AUTS2: variants seen among roughly 807,000 people sequenced by gnomAD.
AUTS2 encodes the protein autism susceptibility gene 2 protein.
A neutral mutation model predicts 112.4 loss-of-function variants in AUTS2; 17 were observed. The ratio of observed to expected loss-of-function variants is 0.15; its 90% CI spans 0.10 to 0.23. AUTS2 has a LOEUF of 0.23. AUTS2 is among the 10% of genes least tolerant of loss of function. The pLI, the probability that AUTS2 is intolerant of heterozygous loss-of-function variation, is 1.00. For synonymous variants in AUTS2, 751 were observed against 702.7 expected, an observed-to-expected ratio of 1.07 and a Z score of -1.09; for missense variants, 1,510 against 1,701.6, an observed-to-expected ratio of 0.89 and a Z score of 1.98.
Position 70,789,849 on chromosome 7 carries a change from C to G in AUTS2, c.2633C>G (p.Ala878Gly), listed in dbSNP as rs1202921547. The change falls in exon 19 of 19, where the codon GCT becomes GGT. Residue 878 changes from alanine to glycine, a missense_variant. Ala to Gly is a moderately conservative substitution (Grantham distance 60, BLOSUM62 0). Coordinates refer to ENST00000342771, the MANE Select transcript of AUTS2 (RefSeq NM_015570.4). Reference sequence around the variant, plus strand: ...CGCAGCTCCACTGAACAGATCCGGGCTCATCTGAACACTGAGGCTCGGGAG... The same window carrying G: ...CGCAGCTCCACTGAACAGATCCGGGGTCATCTGAACACTGAGGCTCGGGAG... ...HTRSSTEQIR[A>G]HLNTEAREKD... 1 of 1,614,186 alleles carries G rather than the reference C, an allele frequency of 6.2e-7. No individual in the cohort carries two copies. The highest frequency in any genetic ancestry group is 8.5e-7 in the Non-Finnish European group (1 of 1,180,030).
At chr7:69,864,426 G>A (rs1050949616) in intron 1 of AUTS2, among the ~76,000 whole-genome samples, 33 of 152,230 alleles carry the variant, frequency 2.2e-4, no homozygotes, top group African/African-American at 6.7e-4. Context: ...TCATCTGAAA[G>A]CAATTTTGTT....
intron 2 of AUTS2, among the ~76,000 whole-genome samples, chr7:69,978,531 A>C (rs1283141759): frequency 6.6e-6 from 1 of 152,180 alleles, no homozygotes; most frequent in East Asian, 1.9e-4. Flanking sequence ...CTGAAAAACC[A>C]TTCTTAGATC....
intron 3 of AUTS2, among the ~76,000 whole-genome samples, chr7:70,127,505 A>G (rs1316433454): frequency 1.3e-5 from 2 of 152,014 alleles, no homozygotes; most frequent in Non-Finnish European, 2.9e-5. Flanking sequence ...CCTCACTTCT[A>G]CCAAACACTT....
Position 70,790,531 on chromosome 7 carries a change from G to T in AUTS2, c.3315G>T (p.Ser1105=). ...GGAACGACCCGCTCCACCGGCTCTC[G>T]ACTCCCCGGCTGTACGAAGCCGACC... ...LLRNDPLHRL[S]TPRLYEADRS... The change falls in exon 19 of 19, where the codon TCG becomes TCT. Residue 1105 remains serine (S), a synonymous_variant. Coordinates refer to ENST00000342771, the MANE Select transcript of AUTS2 (RefSeq NM_015570.4). This position sits in a 1 kb window ranked among gnomAD's most constrained non-coding sequence, Gnocchi z 7.6. The T allele has an allele frequency of 6.2e-7, 1 of 1,607,966 alleles. No individual in the cohort carries two copies. Among genetic ancestry groups the T allele is most frequent in the East Asian group, 2.2e-5 (1 of 44,638 alleles).
At chr7:69,948,259 C>T (rs1031379731) in intron 2 of AUTS2, among the ~76,000 whole-genome samples, 2 of 152,174 alleles carry the variant, frequency 1.3e-5, no homozygotes, top group African/African-American at 2.4e-5. Context: ...CAAATAACTT[C>T]ACACAGTGAA....
At chr7:70,470,461 G>T (rs62455224) in intron 5 of AUTS2, among the ~76,000 whole-genome samples, 3,886 of 152,298 alleles carry the variant, frequency 0.026, 109 homozygotes, top group Admixed American at 0.089. Flanking sequence ...ATAGAGAGAG[G>T]AGATTAAATT....
chr7:70,636,877 A>G (rs1446057535), intron 5 of AUTS2, among the ~76,000 whole-genome samples: 1 of 152,080 alleles, frequency 6.6e-6, no homozygotes, highest in African/African-American at 2.4e-5. Flanking sequence ...TCGTGGCCTC[A>G]AGTGATCCTC....
chr7:70,383,012 T>G lies in AUTS2; in HGVS notation c.661-52740T>G, dbSNP rs190242306. Among the ~76,000 whole-genome samples the G allele has an allele frequency of 7.1e-3, 1,088 of 152,346 alleles. 7 individuals carry two copies. Among genetic ancestry groups the G allele is most frequent in the Non-Finnish European group, 0.012 (830 of 68,030 alleles). ...TGAAGTCTATATATTTTTCCAGAAC[T>G]GAGATCAAATTCTACCTTTTTTCAT... is the stretch of plus-strand genomic sequence containing the variant. On this transcript the variant is annotated intron_variant, in intron 4 of 18. Transcript: ENST00000342771.
At chr7:70,317,953 C>G (rs1469557999) in intron 4 of AUTS2, among the ~76,000 whole-genome samples, 1 of 152,126 alleles carries the variant, frequency 6.6e-6, no homozygotes, top group African/African-American at 2.4e-5. Context: ...AAAGGGGAAT[C>G]TGAGACTTCT....
At chr7:70,104,608 T>C (rs1299929395) in intron 2 of AUTS2, among the ~76,000 whole-genome samples, 1 of 152,356 alleles carries the variant, frequency 6.6e-6, no homozygotes, top group Non-Finnish European at 1.5e-5. Flanking sequence ...GCCTCTAGAA[T>C]ATTAAAACCA....
At chr7:70,206,852 T>C (rs1189166965) in intron 4 of AUTS2, among the ~76,000 whole-genome samples, 1 of 152,246 alleles carries the variant, frequency 6.6e-6, no homozygotes, top group African/African-American at 2.4e-5. Context: ...GTTAATCTTC[T>C]CCTCCTCAGA....
chr7:69,715,807 A>G lies in AUTS2; in HGVS notation c.309+115845A>G, dbSNP rs986537491. Among the ~76,000 whole-genome samples, 11 of 152,302 alleles carry G rather than the reference A, an allele frequency of 7.2e-5. No individual in the cohort carries two copies. The South Asian group carries it at 1.5e-3, about 20-fold the overall frequency. On this transcript the variant is annotated intron_variant, in intron 1 of 18. Transcript: ENST00000342771. The stretch of plus-strand genomic sequence containing the variant: ...GTTAATTTCTGTCAGACACTATTCT[A>G]AGTGATTTTGTATATGAACTCATTT...
chr7:70,126,223 A>G (rs1805963131), intron 3 of AUTS2, among the ~76,000 whole-genome samples: 5 of 152,306 alleles, frequency 3.3e-5, no homozygotes, highest in Admixed American at 3.3e-4. Flanking sequence ...GTTGGAGATC[A>G]GCCTGGCCAA....
At chr7:70,087,350 ATTAG>A (rs1318378335) in intron 2 of AUTS2, among the ~76,000 whole-genome samples, 3 of 150,404 alleles carry the variant, frequency 2.0e-5, no homozygotes, top group African/African-American at 7.3e-5. Context: ...GTTGAACTTA[ATTAG>A]CCTGTCATTT....
At chr7:69,946,191 T>C (rs1402247584) in intron 2 of AUTS2, among the ~76,000 whole-genome samples, 2 of 152,130 alleles carry the variant, frequency 1.3e-5, no homozygotes, top group Non-Finnish European at 2.9e-5. Flanking sequence ...GATCATACAG[T>C]GTTTGTATTT....
intron 5 of AUTS2, among the ~76,000 whole-genome samples, chr7:70,589,268 C>A (rs535044956): frequency 7.0e-4 from 100 of 143,706 alleles, no homozygotes; most frequent in African/African-American, 2.4e-3. Flanking sequence ...TCCACTCCTC[C>A]CATGTGGGGA....
intron 4 of AUTS2, among the ~76,000 whole-genome samples, chr7:70,209,058 T>C (rs1810723023): frequency 1.3e-5 from 2 of 152,146 alleles, no homozygotes; most frequent in Non-Finnish European, 2.9e-5. Flanking sequence ...GTGGAGAATA[T>C]GCTCCCAAGT....
intron 6 of AUTS2, among the ~76,000 whole-genome samples, chr7:70,702,046 G>A (rs1210416832): frequency 2.0e-5 from 3 of 152,196 alleles, no homozygotes; most frequent in African/African-American, 4.8e-5. Flanking sequence ...CTTGCCTACT[G>A]TAGATCCTTG....
intron 1 of AUTS2, among the ~76,000 whole-genome samples, chr7:69,604,559 G>T (rs759483552): frequency 2.6e-5 from 4 of 152,198 alleles, no homozygotes; most frequent in Admixed American, 1.3e-4. Context: ...GGCTTCATGG[G>T]TGGGGAATGG....
Sources: gnomAD v4.1 joint callset for allele counts (sites outside exome capture counted in the v4.1 genomes callset) on GRCh38, gnomAD v4.1.1 for gene constraint, Gnocchi (gnomAD v3.1) non-coding constraint, MANE v1.5 for transcripts, NCBI Gene and HGNC (gene_info 2026-07-23, HGNC 2026-07-21) for gene names.